Variants in MROH1 observed in about 807,000 individuals in gnomAD.
The protein encoded by MROH1 is maestro heat-like repeat-containing protein family member 1.
A neutral mutation model predicts 116.5 loss-of-function variants in MROH1; 117 were observed. That is an observed-to-expected ratio of 1.00 (90% CI 0.86 to 1.17). The LOEUF is 1.17. Ranked by LOEUF, MROH1 falls within the 50% of genes most tolerant of loss-of-function variation. The pLI is 0.00. For synonymous variants in MROH1, 921 were observed against 583.9 expected (o/e 1.58, Z -8.32); for missense variants, 1,873 against 1,338.5 (o/e 1.40, Z -6.23).
rs1208595275 is a variant in MROH1 at position 144,242,625 on chromosome 8, C to T, written c.2349C>T (p.Thr783=). ...STKVLGIKVE[T]KDPALKLCLV... is the part of the protein sequence containing the mutation. ...AGGTTCTAGGAATAAAGGTAGAAACCAAGGTACAGTGTGTAGGAATTAAGT... is the reference window on the plus strand; with the variant it reads ...AGGTTCTAGGAATAAAGGTAGAAACTAAGGTACAGTGTGTAGGAATTAAGT... The change falls in exon 24 of 44, where the codon ACC becomes ACT. Residue 783 remains threonine, a synonymous_variant. Transcript: ENST00000326134. 1 of 780,026 alleles carries T rather than the reference C, an allele frequency of 1.3e-6. No homozygotes were observed. Among genetic ancestry groups the T allele is most frequent in the Non-Finnish European group, 2.4e-6 (1 of 417,558 alleles). The allele number at this position is 780,026 out of a possible 1,614,324, so 48.3% of individuals were successfully genotyped here.
rs955533283 is a variant in MROH1 at position 144,200,382 on chromosome 8, A to G, written c.1028-46A>G. ...GAGTAGGTGGACGCTGTGTATAGGG[A>G]TGAACAAGATGACATGGAGCCTAAT... On this transcript the variant is annotated intron_variant, in intron 11 of 43. Transcript: ENST00000326134. 1.7e-5 allele frequency: 25 copies of G among 1,437,444 alleles called. No homozygotes were observed. In the Admixed American group the frequency reaches 3.5e-4, roughly 20 times the overall value. 89.0% of individuals were successfully genotyped at this position (1,437,444 alleles called of 1,614,324 possible). A position where few individuals can be genotyped will look rare whatever the true frequency, so the allele number is the denominator to read the frequency against.
In MROH1 at chr8:144,260,372, A is replaced by G; in HGVS notation, c.4378A>G (p.Ser1460Gly). The change falls in exon 39 of 44, where the codon AGT becomes GGT. Residue 1460 changes from serine (S) to glycine (G), a missense_variant and splice_region_variant. Coordinates refer to ENST00000326134, the MANE Select transcript of MROH1 (RefSeq NM_032450.3). ...VAIRIRPFFD[S>G]EKMEFRTASI... ...CATCCGCATCCGGCCTTTCTTCGAC[A>G]GTGTAGGCTGGTTGGGGCAGGGGGA... 1 of 717,690 alleles carries G rather than the reference A, an allele frequency of 1.4e-6. No homozygotes were observed. Among genetic ancestry groups the G allele is most frequent in the East Asian group, 2.6e-5 (1 of 38,156 alleles). The allele number at this position is 717,690 out of a possible 1,614,324, so 44.5% of individuals were successfully genotyped here. A position where few individuals can be genotyped will look rare whatever the true frequency, so the allele number is the denominator to read the frequency against.
At chr8:144,248,733 G>T in intron 31 of MROH1, 144 bp from the exon 32 acceptor site, 1 of 681,824 alleles carries the variant, frequency 1.5e-6, no homozygotes, top group Admixed American at 2.1e-5. Flanking sequence ...CTCATTGAAG[G>T]CGCAGGGCCC....
chr8:144,225,911 T>G lies in MROH1; in HGVS notation c.1338+2681T>G, dbSNP rs1246861369. On this transcript the variant is annotated intron_variant, in intron 14 of 43. Transcript: ENST00000326134. ...ATATAGGCCTATGATTCATTTTTAGTTTTTTTTTTTTTTTTTTTTTTTAGG... is the reference window on the plus strand; with the variant it reads ...ATATAGGCCTATGATTCATTTTTAGGTTTTTTTTTTTTTTTTTTTTTTAGG... Among the ~76,000 whole-genome samples the G allele has an allele frequency of 2.1e-4, 8 of 37,214 alleles. No individual in the cohort carries two copies. The South Asian group carries it at 5.3e-3, about 25-fold the overall frequency. The allele number at this position is 37,214 out of a possible 152,430, so 24.4% of individuals were successfully genotyped here. A position where few individuals can be genotyped will look rare whatever the true frequency, so the allele number is the denominator to read the frequency against.
At chr8:144,177,537 C>T (rs1187738091) in intron 4 of MROH1, among the ~76,000 whole-genome samples, 1 of 152,232 alleles carries the variant, frequency 6.6e-6, no homozygotes, top group South Asian at 2.1e-4. Flanking sequence ...GTGGGCCCAC[C>T]TCCACCTGCC....
At chr8:144,229,415 A>C (rs1838416639) in intron 14 of MROH1, among the ~76,000 whole-genome samples, 3 of 133,638 alleles carry the variant, frequency 2.2e-5, no homozygotes, top group South Asian at 2.3e-4. Flanking sequence ...ATAGGGTCTC[A>C]CTCTGTGACC....
At chr8:144,213,244 G>T in intron 12 of MROH1, 1 of 621,740 alleles carries the variant, frequency 1.6e-6, no homozygotes, top group South Asian at 2.0e-5. Flanking sequence ...CACTCTTGTT[G>T]TCCAAAGCTC....
chr8:144,213,771 G>A (rs907193386), intron 12 of MROH1, among the ~76,000 whole-genome samples: 2 of 151,946 alleles, frequency 1.3e-5, no homozygotes, highest in African/African-American at 2.4e-5. Context: ...CTGGGCAGCA[G>A]AGCAAGACTC....
At chr8:144,172,088 G>A (rs1238181683) in intron 4 of MROH1, among the ~76,000 whole-genome samples, 4 of 152,178 alleles carry the variant, frequency 2.6e-5, no homozygotes, top group Non-Finnish European at 5.9e-5. Context: ...AGTGGGCCCT[G>A]AAGGAAATAA....
Position 144,259,989 on chromosome 8 carries a change from A to G in MROH1, c.4123A>G (p.Thr1375Ala). ...GAGCCTGGCGGCTCGCCAGAAGGAC[A>G]CATGCGCCAGCGTGCGGAGGCTGGT... The part of the protein sequence containing the change: ...LESLAARQKD[T>A]CASVRRLVLR... Residue 1375 changes from threonine to alanine, a missense_variant, in exon 38 of 44, where the codon ACA becomes GCA. Transcript: ENST00000326134. The G allele has an allele frequency of 1.4e-6, 1 of 737,566 alleles. No homozygotes were observed. The highest frequency in any genetic ancestry group is 2.5e-6 in the Non-Finnish European group (1 of 399,110). The allele number at this position is 737,566 out of a possible 1,614,324, so 45.7% of individuals were successfully genotyped here. A position where few individuals can be genotyped will look rare whatever the true frequency, so the allele number is the denominator to read the frequency against.
chr8:144,249,930 C>A (rs1446328802), intron 32 of MROH1, among the ~76,000 whole-genome samples: 2 of 152,238 alleles, frequency 1.3e-5, no homozygotes, highest in Non-Finnish European at 2.9e-5. Context: ...GCCTGCCCAG[C>A]TCCGAACCAG....
In MROH1 at chr8:144,199,060, A is replaced by T. The variant is rs373580562; in HGVS notation, c.949-62A>T. 6 of 1,514,162 alleles carry T rather than the reference A, an allele frequency of 4.0e-6. No individual in the cohort carries two copies. The Admixed American group carries it at 5.5e-5, about 14-fold the overall frequency. 93.8% of individuals were successfully genotyped at this position (1,514,162 alleles called of 1,614,324 possible). Reference sequence around the variant, plus strand: ...AGCTGCCCAGGCCCAGAATTGTCAGAGGGCGGGAATCCTTCCTTCTGGCCT... The same window carrying T: ...AGCTGCCCAGGCCCAGAATTGTCAGTGGGCGGGAATCCTTCCTTCTGGCCT... On this transcript the variant is annotated intron_variant, in intron 10 of 43. Transcript: ENST00000326134.
At chr8:144,166,102 C>T (rs1820768610) in intron 3 of MROH1, among the ~76,000 whole-genome samples, 1 of 152,024 alleles carries the variant, frequency 6.6e-6, no homozygotes, top group South Asian at 2.1e-4. Flanking sequence ...TGGTCTTGAA[C>T]TCCTGACCTC....
chr8:144,246,923 C>G (rs1842015546), intron 29 of MROH1, among the ~76,000 whole-genome samples: 1 of 152,226 alleles, frequency 6.6e-6, no homozygotes, highest in South Asian at 2.1e-4. Context: ...AGTCCTGCCC[C>G]TCACCCAAAT....
Position 144,247,621 on chromosome 8 carries a change from A to G in MROH1, c.3062A>G (p.Asp1021Gly). 2.6e-6 allele frequency: 2 copies of G among 769,286 alleles called. No homozygotes were observed. The highest frequency in any genetic ancestry group is 4.8e-6 in the Non-Finnish European group (2 of 416,564). 47.7% of individuals were successfully genotyped at this position (769,286 alleles called of 1,614,324 possible). ...DVAERLLSLK[D>G]GLVHPDPAIL... Reference sequence around the variant, plus strand: ...GCGGAGCGGCTCCTCAGCCTCAAGGACGGCCTCGTGCACCCTGACCCCGCC... The same window carrying G: ...GCGGAGCGGCTCCTCAGCCTCAAGGGCGGCCTCGTGCACCCTGACCCCGCC... The change falls in exon 31 of 44, where the codon GAC becomes GGC. Residue 1021 changes from aspartate (D) to glycine (G), a missense_variant. Physicochemically the swap from Asp to Gly is moderately conservative, Grantham distance 94. Coordinates refer to ENST00000326134, the MANE Select transcript of MROH1 (RefSeq NM_032450.3).
At chr8:144,239,486 T>C (rs1761216249) in intron 17 of MROH1, 123 bp downstream of exon 17, 1 of 768,098 alleles carries the variant, frequency 1.3e-6, no homozygotes, top group Non-Finnish European at 2.4e-6. Context: ...GTGGTTTTCC[T>C]CTACGTGGGC....
intron 1 of MROH1, among the ~76,000 whole-genome samples, chr8:144,156,823 C>T (rs1818256861): frequency 6.7e-6 from 1 of 148,216 alleles, no homozygotes; most frequent in Non-Finnish European, 1.5e-5. Flanking sequence ...TCATTCTGTC[C>T]CCAGGCTTGA....
intron 24 of MROH1, among the ~76,000 whole-genome samples, chr8:144,243,001 A>T (rs1841286147): frequency 6.6e-6 from 1 of 152,220 alleles, no homozygotes; most frequent in Admixed American, 6.5e-5. Flanking sequence ...GCCAAGGCCC[A>T]AAGCCAGTGG....
intron 7 of MROH1, among the ~76,000 whole-genome samples, chr8:144,181,973 G>A (rs1431874757): frequency 6.6e-6 from 1 of 152,212 alleles, no homozygotes. Flanking sequence ...GCCCTACCAT[G>A]CTGGCATTTT....
Sources: gnomAD v4.1 joint callset for allele counts (sites outside exome capture counted in the v4.1 genomes callset) on GRCh38, gnomAD v4.1.1 for gene constraint, MANE v1.5 for transcripts, NCBI Gene and HGNC (gene_info 2026-07-23, HGNC 2026-07-21) for gene names.